Variants in BMP1 observed in about 807,000 individuals in gnomAD.
The protein encoded by BMP1 is mammalian tolloid protein.
A neutral mutation model predicts 116.8 loss-of-function variants in BMP1; 63 were observed. The ratio of observed to expected loss-of-function variants is 0.54; its 90% CI spans 0.44 to 0.67. The LOEUF is 0.67. BMP1 is among the 30% of genes least tolerant of loss of function. The pLI is 0.00. For synonymous variants in BMP1, 536 were observed against 533.4 expected (o/e 1.00, Z -0.07); for missense variants, 1,183 against 1,358.9 (o/e 0.87, Z 2.04).
At position 22,165,419 on chromosome 8, in the gene BMP1, C is replaced by G. The variant is rs1364792502; in HGVS notation, c.14C>G (p.Ala5Gly). ...CGCCCCGCCAGCATGCCCGGCGTGGCCCGCCTGCCGCTGCTGCTCGGGCTG... is the reference window on the plus strand; with the variant it reads ...CGCCCCGCCAGCATGCCCGGCGTGGGCCGCCTGCCGCTGCTGCTCGGGCTG... Reference protein sequence around the residue: MPGVARLPLLLGLLL... With the variant: MPGVGRLPLLLGLLL... The change falls in exon 1 of 20, where the codon GCC becomes GGC. Residue 5 changes from alanine to glycine, a missense_variant. Around this residue, in one of 4 missense-constraint regions of BMP1, gnomAD observed 185 missense variants for 158.9 expected, o/e 1.16. Transcript: ENST00000306385. 1 of 1,534,614 alleles carries G rather than the reference C, an allele frequency of 6.5e-7. No individual in the cohort carries two copies. The highest frequency in any genetic ancestry group is 2.2e-5 in the Admixed American group (1 of 46,008).
At chr8:22,209,734 C>A in intron 19 of BMP1, 39 bp downstream of exon 19, 1 of 1,595,862 alleles carries the variant, frequency 6.3e-7, no homozygotes, top group African/African-American at 1.3e-5. Flanking sequence ...CCCCATGCCC[C>A]ACGCCCCACA....
chr8:22,168,749 C>T (rs1402610769), intron 1 of BMP1, among the ~76,000 whole-genome samples: 2 of 152,096 alleles, frequency 1.3e-5, no homozygotes, highest in African/African-American at 4.8e-5. Flanking sequence ...ACCCCACCCA[C>T]CCAGGCCCCT....
intron 8 of BMP1, among the ~76,000 whole-genome samples, chr8:22,189,596 A>G (rs751328361): frequency 2.6e-5 from 4 of 151,926 alleles, no homozygotes; most frequent in Non-Finnish European, 5.9e-5. Flanking sequence ...CCTTCCTGGT[A>G]GCTGGAACTA....
In BMP1 at chr8:22,194,336, A is replaced by C. The variant is rs6997623; in HGVS notation, c.1298-109A>C. 18,998 of 1,508,924 alleles carry C rather than the reference A, an allele frequency of 0.013. 1,070 individuals are homozygous for C. The African/African-American group carries it at 0.15, about 12-fold the overall frequency. The allele number at this position is 1,508,924 out of a possible 1,614,324, so 93.5% of individuals were successfully genotyped here. On this transcript the variant is annotated intron_variant, in intron 10 of 19. Transcript: ENST00000306385. The surrounding 1 kb of genome is among the most constrained non-coding windows in gnomAD (Gnocchi z 4.5). Reference sequence around the variant, plus strand: ...GGACTGGGGGTTTGGTGGGGAACTGAAAAGCTGGGGGACATGGGAGGGACT... The same window carrying C: ...GGACTGGGGGTTTGGTGGGGAACTGCAAAGCTGGGGGACATGGGAGGGACT...
Position 22,165,434 on chromosome 8 carries a change from T to C in BMP1, c.29T>C (p.Leu10Pro). Residue 10 changes from leucine (L) to proline (P), a missense_variant, in exon 1 of 20, where the codon CTG (leucine) becomes CCG (proline). Around this residue, in one of 4 missense-constraint regions of BMP1, gnomAD observed 185 missense variants for 158.9 expected, o/e 1.16. Coordinates refer to ENST00000306385, the MANE Select transcript of BMP1 (RefSeq NM_006129.5). Reference protein sequence around the residue: MPGVARLPLLLGLLLLPRPG... With the variant: MPGVARLPLPLGLLLLPRPG... ...CCCGGCGTGGCCCGCCTGCCGCTGC[T>C]GCTCGGGCTGCTGCTGCTCCCGCGT... 6.4e-7 allele frequency: 1 copy of C among 1,559,574 alleles called. No individual in the cohort carries two copies. The highest frequency in any genetic ancestry group is 8.6e-7 in the Non-Finnish European group (1 of 1,158,324).
At chr8:22,173,407 T>C (rs1828336748) in intron 1 of BMP1, among the ~76,000 whole-genome samples, 195 bp from the exon 2 acceptor site, 1 of 152,222 alleles carries the variant, frequency 6.6e-6, no homozygotes, top group Non-Finnish European at 1.5e-5. Flanking sequence ...AACTGAAAAG[T>C]AAGCATGAGC....
chr8:22,176,209 G>A lies in BMP1; in HGVS notation c.329G>A (p.Gly110Glu), dbSNP rs753150982. The A allele has an allele frequency of 5.6e-6, 9 of 1,614,184 alleles. No homozygotes were observed. The highest frequency in any genetic ancestry group is 6.8e-6 in the Non-Finnish European group (8 of 1,180,038). The part of the protein sequence containing the change: ...TNGQPQRGAC[G>E]RWRGRSRSRR... ...GGGCAGCCTCAGAGGGGAGCCTGTG[G>A]GAGATGGAGAGGTAGATCCCGTAGC... is the stretch of plus-strand genomic sequence containing the variant. Residue 110 changes from glycine to glutamate, a missense_variant, in exon 3 of 20, where the codon GGG becomes GAG. Gly to Glu is a moderately conservative substitution (Grantham distance 98, BLOSUM62 -2). This residue lies in a region of BMP1 where 185 missense variants were observed against 158.9 expected (regional missense o/e 1.16). Transcript: ENST00000306385.
chr8:22,209,389 A>C lies in BMP1; in HGVS notation c.2576-56A>C. The C allele has an allele frequency of 1.9e-6, 3 of 1,591,688 alleles. No homozygotes were observed. In the South Asian group the frequency reaches 3.4e-5, roughly 18 times the overall value. On this transcript the variant is annotated intron_variant, in intron 18 of 19. Coordinates refer to ENST00000306385, the MANE Select transcript of BMP1 (RefSeq NM_006129.5). ...AGGGCACGCCATGGCATAGTGTGCC[A>C]TGGGGCCTGGCACCTGCGGTGCTCA...
Position 22,165,530 on chromosome 8 carries a change from A to G in BMP1, c.125A>G (p.Asn42Ser), listed in dbSNP as rs762947562. Reference protein sequence around the residue: ...LAEEDDSEPLNYKDPCKAAAF... With the variant: ...LAEEDDSEPLSYKDPCKAAAF... ...GAGGAGGACGACTCGGAGCCCCTCAACTACAAAGACCCCTGCAAGGCGGGT... is the reference window on the plus strand; with the variant it reads ...GAGGAGGACGACTCGGAGCCCCTCAGCTACAAAGACCCCTGCAAGGCGGGT... The change falls in exon 1 of 20, where the codon AAC becomes AGC. Residue 42 changes from asparagine to serine, a missense_variant. Physicochemically the swap from Asn to Ser is conservative, Grantham distance 46. Coordinates refer to ENST00000306385, the MANE Select transcript of BMP1 (RefSeq NM_006129.5). 2 of 1,591,484 alleles carry G rather than the reference A, an allele frequency of 1.3e-6. No individual in the cohort carries two copies. Among genetic ancestry groups the G allele is most frequent in the Non-Finnish European group, 1.7e-6 (2 of 1,171,150 alleles).
At chr8:22,201,970 G>T (rs780414979) in intron 16 of BMP1, 42 bp downstream of exon 16, 6 of 1,579,724 alleles carry the variant, frequency 3.8e-6, no homozygotes, top group Non-Finnish European at 5.2e-6. Flanking sequence ...TGAAGGACCT[G>T]CTGCTGGGAG....
chr8:22,187,675 G>A (rs75326174), intron 8 of BMP1, among the ~76,000 whole-genome samples: 2,975 of 151,886 alleles, frequency 0.02, 107 homozygotes, highest in African/African-American at 0.068. Context: ...TTTAAATGAG[G>A]AAATCCTGGT....
intron 1 of BMP1, among the ~76,000 whole-genome samples, chr8:22,172,134 A>C (rs78376445): frequency 0.01 from 1,565 of 152,300 alleles, 17 homozygotes; most frequent in Non-Finnish European, 0.016. Flanking sequence ...CAAGGTTAAA[A>C]CAATTTGTGT....
intron 18 of BMP1, among the ~76,000 whole-genome samples, chr8:22,209,034 A>C (rs905512340): frequency 6.6e-6 from 1 of 152,268 alleles, no homozygotes; most frequent in Non-Finnish European, 1.5e-5. Flanking sequence ...AATGTGAGCC[A>C]ACACTTAAAA....
chr8:22,181,867 T>G (rs897544199), intron 8 of BMP1, among the ~76,000 whole-genome samples: 5 of 152,228 alleles, frequency 3.3e-5, no homozygotes, highest in African/African-American at 1.2e-4. Context: ...TAGCCAGCTC[T>G]TAATGTTACA....
Position 22,209,502 on chromosome 8 carries a change from A to G in BMP1, c.2633A>G (p.Gln878Arg). The G allele has an allele frequency of 6.2e-7, 1 of 1,614,158 alleles. No homozygotes were observed. Among genetic ancestry groups the G allele is most frequent in the Non-Finnish European group, 8.5e-7 (1 of 1,180,010 alleles). Reference protein sequence around the residue: ...VKTKDLYSHAQFGDNNYPGGV... With the variant: ...VKTKDLYSHARFGDNNYPGGV... ...ACCAAGGACCTTTACTCCCACGCCC[A>G]GTTTGGCGACAACAACTACCCTGGG... Residue 878 changes from glutamine to arginine, a missense_variant, in exon 19 of 20, where the codon CAG becomes CGG. Physicochemically the swap from Gln to Arg is conservative, Grantham distance 43. Transcript: ENST00000306385.
chr8:22,204,601 T>C (rs546429152), intron 16 of BMP1, among the ~76,000 whole-genome samples: 2 of 152,318 alleles, frequency 1.3e-5, no homozygotes, highest in East Asian at 3.9e-4. Context: ...CGCAAGCCTA[T>C]AGTCCCAACT....
chr8:22,173,744 G>T, intron 2 of BMP1, 29 bp downstream of exon 2: 1 of 1,568,056 alleles, frequency 6.4e-7, no homozygotes, highest in South Asian at 1.1e-5. Context: ...GGCCCTCTGT[G>T]TCCTAGAAAT....
At position 22,211,873 on chromosome 8, in the gene BMP1, T is replaced by A; in HGVS notation, c.*145T>A. 7.9e-7 allele frequency: 1 copy of A among 1,271,634 alleles called. No homozygotes were observed. The highest frequency in any genetic ancestry group is 1.1e-6 in the Non-Finnish European group (1 of 924,692). The allele number at this position is 1,271,634 out of a possible 1,614,324, so 78.8% of individuals were successfully genotyped here. A position where few individuals can be genotyped will look rare whatever the true frequency, so the allele number is the denominator to read the frequency against. On this transcript the variant is annotated 3_prime_UTR_variant, in exon 20 of 20. Coordinates refer to ENST00000306385, the MANE Select transcript of BMP1 (RefSeq NM_006129.5). The stretch of plus-strand genomic sequence containing the variant: ...GCCAATGGCCTGGTGAGACTGTCCA[T>A]AGGAGGTGGGGGAACTGGACTCCGG...
At chr8:22,207,035 C>T in intron 17 of BMP1, 54 bp downstream of exon 17, 2 of 1,600,980 alleles carry the variant, frequency 1.2e-6, no homozygotes, top group South Asian at 2.2e-5. Flanking sequence ...CGGTCAGAGG[C>T]ACTGCCCAGA....
Sources: gnomAD v4.1 joint callset for allele counts (sites outside exome capture counted in the v4.1 genomes callset) on GRCh38, gnomAD v4.1.1 for gene constraint, gnomAD v4.1.1 regional missense constraint, Gnocchi (gnomAD v3.1) non-coding constraint, MANE v1.5 for transcripts, NCBI Gene and HGNC (gene_info 2026-07-23, HGNC 2026-07-21) for gene names.